ANO1: variants seen among roughly 807,000 people sequenced by gnomAD.
ANO1 encodes anoctamin 1.
Under a neutral mutation model 124.0 loss-of-function variants are expected in ANO1, and 59 were observed. The observed-to-expected ratio is 0.48, with a 90% CI of 0.39 to 0.59. The LOEUF is 0.59. Ranked by LOEUF, ANO1 falls within the 20% of genes least tolerant of loss-of-function variation. ANO1 has a pLI of 0.00. For synonymous variants in ANO1, 529 were observed against 532.0 expected (o/e 0.99, Z 0.08); for missense variants, 1,059 against 1,328.0 (o/e 0.80, Z 3.15).
At chr11:70,068,969 G>T (rs782556132) in intron 1 of ANO1, among the ~76,000 whole-genome samples, 1 of 152,178 alleles carries the variant, frequency 6.6e-6, no homozygotes, top group Non-Finnish European at 1.5e-5. Context: ...GGGGGCCCAG[G>T]CCCATGTATT....
At chr11:70,149,891 C>T in intron 12 of ANO1, 99 bp downstream of exon 12, 1 of 1,360,226 alleles carries the variant, frequency 7.4e-7, no homozygotes, top group South Asian at 1.2e-5. Flanking sequence ...GGTCAGAAAG[C>T]ACTTCTGGTC....
chr11:69,998,260 C>A (rs1386775401), intron 1 of ANO1, among the ~76,000 whole-genome samples: 1 of 152,238 alleles, frequency 6.6e-6, no homozygotes, highest in Non-Finnish European at 1.5e-5. Context: ...CATCTACACC[C>A]CATTAAGATA....
At chr11:70,116,361 A>G in intron 7 of ANO1, 97 bp from the exon 8 acceptor site, 3 of 1,245,728 alleles carry the variant, frequency 2.4e-6, no homozygotes, top group Admixed American at 4.1e-5. Context: ...TGTGTCAACG[A>G]GAGCTGCTGG....
intron 10 of ANO1, 123 bp from the exon 11 acceptor site, chr11:70,131,796 C>T: frequency 5.9e-6 from 7 of 1,188,474 alleles, no homozygotes; most frequent in Non-Finnish European, 8.2e-6. Flanking sequence ...ATGGCATGGA[C>T]CTGAGGGACC....
At chr11:70,112,334 G>A (rs750197323) in intron 7 of ANO1, among the ~76,000 whole-genome samples, 1 of 152,250 alleles carries the variant, frequency 6.6e-6, no homozygotes, top group Non-Finnish European at 1.5e-5. Flanking sequence ...GGGAATCCCA[G>A]ACAGAGGAGC....
At chr11:70,171,945 C>A (rs577296949) in intron 22 of ANO1, among the ~76,000 whole-genome samples, 42 of 151,184 alleles carry the variant, frequency 2.8e-4, no homozygotes, top group South Asian at 8.4e-4. Flanking sequence ...CAGAGTGAGA[C>A]CCTGTCTCAA....
chr11:70,135,486 C>A (rs2046921867), intron 11 of ANO1, among the ~76,000 whole-genome samples: 1 of 152,214 alleles, frequency 6.6e-6, no homozygotes, highest in African/African-American at 2.4e-5. Context: ...TCCTTCCACC[C>A]CACGCTCTGC....
chr11:70,058,993 C>T (rs1857505132), intron 1 of ANO1, among the ~76,000 whole-genome samples: 1 of 151,360 alleles, frequency 6.6e-6, no homozygotes, highest in South Asian at 2.1e-4. Context: ...ACCATCCTGG[C>T]TAACACGGTG....
intron 18 of ANO1, 85 bp from the exon 19 acceptor site, chr11:70,163,198 C>T (rs749092721): frequency 2.8e-4 from 405 of 1,439,432 alleles, no homozygotes; most frequent in Non-Finnish European, 3.5e-4. Flanking sequence ...AGGACTCACA[C>T]GCTGCACAGT....
chr11:70,055,333 T>A (rs1857417407), intron 1 of ANO1, among the ~76,000 whole-genome samples: 1 of 152,152 alleles, frequency 6.6e-6, no homozygotes, highest in South Asian at 2.1e-4. Context: ...TTATTTTAGT[T>A]CTGTCAGTTT....
chr11:70,120,025 C>A (rs2509138), intron 8 of ANO1, among the ~76,000 whole-genome samples: 2 of 151,632 alleles, frequency 1.3e-5, no homozygotes, highest in African/African-American at 2.4e-5. Context: ...AGCCTGGTGC[C>A]AAGTTTTTGC....
At chr11:69,997,390 T>C (rs1856291364) in intron 1 of ANO1, among the ~76,000 whole-genome samples, 1 of 144,740 alleles carries the variant, frequency 6.9e-6, no homozygotes, top group Non-Finnish European at 1.5e-5. Flanking sequence ...ATAAAAGAAG[T>C]CAAGGATGGG....
chr11:70,125,946 T>G, intron 9 of ANO1, 115 bp from the exon 10 acceptor site: 1 of 1,325,998 alleles, frequency 7.5e-7, no homozygotes, highest in Non-Finnish European at 1.0e-6. Context: ...GCTTCTGGGA[T>G]GAGGGAACCA....
chr11:69,967,748 C>A, the ANO1 span, among the ~76,000 whole-genome samples: 1 of 152,202 alleles, frequency 6.6e-6, no homozygotes, highest in South Asian at 2.1e-4. Context: ...CCGGTGAGGG[C>A]TGTGAGTAAC....
At chr11:69,988,976 G>C (rs1243825033) in intron 1 of ANO1, among the ~76,000 whole-genome samples, 1 of 151,964 alleles carries the variant, frequency 6.6e-6, no homozygotes, top group African/African-American at 2.4e-5. Context: ...AGACAGGGAA[G>C]GAGGGAAGTA....
rs191604108 is a variant in ANO1 at position 70,094,234 on chromosome 11, G to A, written c.441+6150G>A. 3.4e-3 allele frequency among the ~76,000 whole-genome samples: 525 copies of A among 152,284 alleles called. 3 individuals are homozygous for A. The highest frequency in any genetic ancestry group is 0.014 in the Middle Eastern group (4 of 294). ...GGGTCTCCCTGCATGTGGAGACCCC[G>A]CCCCTGCCCGCCGCCAGGTGACCAG... On this transcript the variant is annotated intron_variant, in intron 2 of 25. Coordinates refer to ENST00000355303, the MANE Select transcript of ANO1 (RefSeq NM_018043.7).
At chr11:70,112,430 A>G (rs1034189819) in intron 7 of ANO1, among the ~76,000 whole-genome samples, 3 of 152,194 alleles carry the variant, frequency 2.0e-5, no homozygotes, top group Non-Finnish European at 4.4e-5. Context: ...CCCAGATTCC[A>G]GTCCCGGCCA....
chr11:70,024,975 C>G (rs1235494577), intron 1 of ANO1, among the ~76,000 whole-genome samples: 1 of 152,180 alleles, frequency 6.6e-6, no homozygotes, highest in African/African-American at 2.4e-5. Context: ...GCTGCAAGGA[C>G]TTGGTGCTGA....
intron 15 of ANO1, 82 bp downstream of exon 15, chr11:70,156,070 G>A (rs897863022): frequency 7.0e-5 from 88 of 1,250,844 alleles, no homozygotes; most frequent in Non-Finnish European, 8.7e-5. Flanking sequence ...TCAACAAACT[G>A]TTGTATATAT....
Sources: allele counts gnomAD v4.1 joint callset (sites outside exome capture counted in the v4.1 genomes callset), GRCh38; gene constraint gnomAD v4.1.1; transcripts MANE v1.5; gene names NCBI Gene and HGNC (gene_info 2026-07-23, HGNC 2026-07-21).